CNTNAP2: variants seen among roughly 807,000 people sequenced by gnomAD.
CNTNAP2 encodes contactin associated protein 2.
Under a neutral mutation model 155.2 loss-of-function variants are expected in CNTNAP2, and 98 were observed. The ratio of observed to expected loss-of-function variants is 0.63; its 90% CI spans 0.54 to 0.75. CNTNAP2 has a LOEUF of 0.75. Among genes scored for constraint, CNTNAP2 ranks in the 30% least tolerant of loss-of-function variants. The pLI is 0.00. For synonymous variants in CNTNAP2, 651 were observed against 631.2 expected (o/e 1.03, Z -0.47); for missense variants, 1,727 against 1,688.1 (o/e 1.02, Z -0.40).
chr7:148,168,218 A>G (rs1166315551), intron 17 of CNTNAP2, among the ~76,000 whole-genome samples: 1 of 151,966 alleles, frequency 6.6e-6, no homozygotes, highest in African/African-American at 2.4e-5. Flanking sequence ...CTGGGTATAT[A>G]CCCAAAGGAT....
At chr7:147,890,747 A>G (rs1468645316) in intron 13 of CNTNAP2, among the ~76,000 whole-genome samples, 1 of 152,210 alleles carries the variant, frequency 6.6e-6, no homozygotes, top group Non-Finnish European at 1.5e-5. Context: ...TGGAATTTTT[A>G]AAAGTTGCAC....
At chr7:147,191,633 T>C (rs1299629250) in intron 8 of CNTNAP2, among the ~76,000 whole-genome samples, 1 of 152,176 alleles carries the variant, frequency 6.6e-6, no homozygotes, top group African/African-American at 2.4e-5. Flanking sequence ...CATTTATATA[T>C]AGGACAGTGA....
chr7:146,633,832 G>GAAAAAAAAAAAAAAAAAAAAA (rs60993956), intron 1 of CNTNAP2, among the ~76,000 whole-genome samples: 5 of 79,036 alleles, frequency 6.3e-5, no homozygotes, highest in African/African-American at 1.2e-4. Flanking sequence ...TGCATCTAGA[G>GAAAAAAAAAAAAAAAAAAAAA]AAAAAAAAAA....
At chr7:147,651,041 G>C (rs183333763) in intron 13 of CNTNAP2, among the ~76,000 whole-genome samples, 1 of 152,124 alleles carries the variant, frequency 6.6e-6, no homozygotes, top group African/African-American at 2.4e-5. Context: ...GGAAGGCTTA[G>C]GAATGGGAGA....
chr7:147,702,705 T>G (rs954955486), intron 13 of CNTNAP2, among the ~76,000 whole-genome samples: 1 of 152,026 alleles, frequency 6.6e-6, no homozygotes, highest in Admixed American at 6.6e-5. Context: ...TCATCTCTCT[T>G]GTCGTTAATG....
At chr7:146,464,596 C>T (rs1469997258) in intron 1 of CNTNAP2, among the ~76,000 whole-genome samples, 1 of 151,950 alleles carries the variant, frequency 6.6e-6, no homozygotes, top group Non-Finnish European at 1.5e-5. Flanking sequence ...TTTTCTCTTC[C>T]TCCTCCTTCT....
At chr7:147,873,386 G>T (rs941469024) in intron 13 of CNTNAP2, among the ~76,000 whole-genome samples, 2 of 152,150 alleles carry the variant, frequency 1.3e-5, no homozygotes, top group African/African-American at 4.8e-5. Flanking sequence ...CATGGCTGGG[G>T]AGGCCTCACA....
chr7:147,584,045 A>G lies in CNTNAP2; in HGVS notation c.1897+21788A>G, dbSNP rs1420774562. Among the ~76,000 whole-genome samples, 8 of 152,156 alleles carry G rather than the reference A, an allele frequency of 5.3e-5. No individual in the cohort carries two copies. The East Asian group carries it at 1.2e-3, about 22-fold the overall frequency. ...GTCACCAATGCTTTTGTAGACAGAGAGAACCATTCAGAGGGCACATCAGTG... is the reference window on the plus strand; with the variant it reads ...GTCACCAATGCTTTTGTAGACAGAGGGAACCATTCAGAGGGCACATCAGTG... On this transcript the variant is annotated intron_variant, in intron 12 of 23. Coordinates refer to ENST00000361727, the MANE Select transcript of CNTNAP2 (RefSeq NM_014141.6).
At chr7:148,294,391 G>A (rs561756903) in intron 21 of CNTNAP2, among the ~76,000 whole-genome samples, 39 of 151,746 alleles carry the variant, frequency 2.6e-4, no homozygotes, top group Admixed American at 6.6e-4. Context: ...TTTTATGTAC[G>A]GCTAACTTAA....
chr7:148,202,317 G>A (rs1795381384), intron 18 of CNTNAP2, among the ~76,000 whole-genome samples: 1 of 152,116 alleles, frequency 6.6e-6, no homozygotes, highest in South Asian at 2.1e-4. Context: ...AGTAGTATGT[G>A]TGTGTATATA....
intron 1 of CNTNAP2, among the ~76,000 whole-genome samples, chr7:146,290,017 A>G (rs1800403888): frequency 6.6e-6 from 1 of 152,240 alleles, no homozygotes; most frequent in African/African-American, 2.4e-5. Flanking sequence ...ATAAGAAAAA[A>G]TAATTTTATC....
At chr7:146,861,166 T>G (rs894491214) in intron 3 of CNTNAP2, among the ~76,000 whole-genome samples, 3 of 152,158 alleles carry the variant, frequency 2.0e-5, no homozygotes, top group Non-Finnish European at 4.4e-5. Flanking sequence ...GTTCAAGCGA[T>G]TCTCCTGCCT....
intron 1 of CNTNAP2, among the ~76,000 whole-genome samples, chr7:146,307,088 T>C (rs1800726833): frequency 6.6e-6 from 1 of 152,166 alleles, no homozygotes; most frequent in Non-Finnish European, 1.5e-5. Flanking sequence ...AACCCCATCG[T>C]CTCAGCCCAA....
chr7:148,118,751 C>T (rs1804531948), intron 16 of CNTNAP2, among the ~76,000 whole-genome samples: 5 of 152,130 alleles, frequency 3.3e-5, no homozygotes, highest in Admixed American at 2.6e-4. Flanking sequence ...CAGGACTGGG[C>T]AATTCCATGA....
intron 1 of CNTNAP2, among the ~76,000 whole-genome samples, chr7:146,185,430 T>A (rs1798609594): frequency 6.6e-6 from 1 of 151,850 alleles, no homozygotes; most frequent in Admixed American, 6.6e-5. Flanking sequence ...AAGCCAAGAG[T>A]ATTTACGGGT....
At chr7:146,420,693 T>A (rs1472134346) in intron 1 of CNTNAP2, among the ~76,000 whole-genome samples, 1 of 152,106 alleles carries the variant, frequency 6.6e-6, no homozygotes, top group Non-Finnish European at 1.5e-5. Flanking sequence ...GATAGAGAGA[T>A]GCTAAAGCTG....
intron 10 of CNTNAP2, among the ~76,000 whole-genome samples, chr7:147,457,038 G>A (rs1353504010): frequency 1.3e-5 from 2 of 152,174 alleles, no homozygotes; most frequent in Non-Finnish European, 2.9e-5. Flanking sequence ...AAGTAGTCAG[G>A]CCTTCGATAT....
intron 13 of CNTNAP2, among the ~76,000 whole-genome samples, chr7:147,862,318 A>G (rs1799149987): frequency 6.6e-6 from 1 of 152,140 alleles, no homozygotes; most frequent in Non-Finnish European, 1.5e-5. Flanking sequence ...ATCAATTTCA[A>G]CCATTCCCCC....
chr7:147,758,991 T>A (rs997612647), intron 13 of CNTNAP2, among the ~76,000 whole-genome samples: 4 of 152,206 alleles, frequency 2.6e-5, no homozygotes, highest in Non-Finnish European at 4.4e-5. Context: ...TCCCGTTCAA[T>A]CTCTCAAGGT....
Sources: allele counts gnomAD v4.1 joint callset (sites outside exome capture counted in the v4.1 genomes callset), GRCh38; gene constraint gnomAD v4.1.1; transcripts MANE v1.5; gene names NCBI Gene and HGNC (gene_info 2026-07-23, HGNC 2026-07-21).